ABCA12: variants seen among roughly 807,000 people sequenced by gnomAD.
ABCA12 encodes ATP binding cassette subfamily A member 12.
A neutral mutation model predicts 293.5 loss-of-function variants in ABCA12; 156 were observed. The ratio of observed to expected loss-of-function variants is 0.53; its 90% CI spans 0.47 to 0.61. The LOEUF is 0.61. Among genes scored for constraint, ABCA12 ranks in the 20% least tolerant of loss-of-function variants. The probability of loss-of-function intolerance (pLI) is 0.00; values close to 1 mark genes in which losing one functional copy is unlikely to be tolerated. For missense variants in ABCA12, 2,797 were observed against 3,090.2 expected (o/e 0.91, Z 2.25); for synonymous variants, 1,063 against 1,108.0 (o/e 0.96, Z 0.81).
At chr2:214,935,103 C>T (rs1698177691) in intron 51 of ABCA12, among the ~76,000 whole-genome samples, 3 of 152,194 alleles carry the variant, frequency 2.0e-5, no homozygotes, top group Admixed American at 1.3e-4. Context: ...AGACCCTTCT[C>T]CTCCCGCTTT....
chr2:215,002,624 C>A (rs1244163569), intron 20 of ABCA12, among the ~76,000 whole-genome samples: 3 of 152,134 alleles, frequency 2.0e-5, no homozygotes, highest in South Asian at 2.1e-4. Flanking sequence ...AAATGCATTT[C>A]TCATTAGAAT....
intron 13 of ABCA12, 72 bp from the exon 14 acceptor site, chr2:215,018,204 T>C: frequency 1.9e-6 from 3 of 1,558,290 alleles, no homozygotes; most frequent in Non-Finnish European, 2.6e-6. Flanking sequence ...ATGACTAACA[T>C]AGAGAAACCT....
chr2:215,119,752 A>AAAAAAAAAAC (rs1203424589), intron 1 of ABCA12, among the ~76,000 whole-genome samples: 3,752 of 142,328 alleles, frequency 0.026, 198 homozygotes, highest in African/African-American at 0.11. Flanking sequence ...AAAAAAAAAA[A>AAAAAAAAAAC]TGAAAACAAA....
intron 2 of ABCA12, among the ~76,000 whole-genome samples, chr2:215,089,319 A>C (rs1049705747): frequency 3.3e-5 from 5 of 152,140 alleles, no homozygotes; most frequent in African/African-American, 1.2e-4. Flanking sequence ...ACCACGTCAA[A>C]AGGAAAAGCA....
chr2:215,060,822 C>T (rs921453826), intron 3 of ABCA12, among the ~76,000 whole-genome samples: 5 of 151,924 alleles, frequency 3.3e-5, no homozygotes, highest in South Asian at 2.1e-4. Context: ...AAATTTGACC[C>T]GACTAAACTC....
At chr2:215,100,452 A>C (rs2106116359) in intron 2 of ABCA12, among the ~76,000 whole-genome samples, 1 of 152,250 alleles carries the variant, frequency 6.6e-6, no homozygotes, top group Admixed American at 6.5e-5. Context: ...TCCTTTTTAA[A>C]CATCCAGTAG....
At position 214,991,084 on chromosome 2, in the gene ABCA12, A is replaced by C. The variant is rs1699903029; in HGVS notation, c.3295-53T>G. 6 of 1,505,680 alleles carry C rather than the reference A, an allele frequency of 4.0e-6. 1 individual carries two copies. In the Middle Eastern group the frequency reaches 6.8e-4, roughly 171 times the overall value. The allele number at this position is 1,505,680 out of a possible 1,614,324, so 93.3% of individuals were successfully genotyped here. On this transcript the variant is annotated intron_variant, in intron 23 of 52. Coordinates refer to ENST00000272895, the MANE Select transcript of ABCA12 (RefSeq NM_173076.3). Reference sequence around the variant, plus strand: ...TGTTATGCTGATATTCTTCCAAATAAAAATTATTCCCTGTATTATGTCAAA... The same window carrying C: ...TGTTATGCTGATATTCTTCCAAATACAAATTATTCCCTGTATTATGTCAAA...
chr2:215,052,883 T>C (rs1701348758), intron 4 of ABCA12, among the ~76,000 whole-genome samples: 1 of 152,102 alleles, frequency 6.6e-6, no homozygotes, highest in Admixed American at 6.6e-5. Context: ...TATTGCCCAA[T>C]AAACCGAATC....
In ABCA12 at chr2:215,019,615, T is replaced by G. The variant is rs752527477; in HGVS notation, c.1469A>C (p.His490Pro). 6.2e-7 allele frequency: 1 copy of G among 1,614,220 alleles called. No homozygotes were observed. Among genetic ancestry groups the G allele is most frequent in the South Asian group, 1.1e-5 (1 of 91,080 alleles). Residue 490 changes from histidine to proline, a missense_variant, in exon 12 of 53, where the codon CAT (histidine) becomes CCT (proline). By Grantham distance (77) the His-to-Pro change is moderately conservative. This residue lies in a region of ABCA12 where 656 missense variants were observed against 638.2 expected (regional missense o/e 1.03). Coordinates refer to ENST00000272895, the MANE Select transcript of ABCA12 (RefSeq NM_173076.3). ...GTEIAASLLYHDNVISKKVRD... is the reference protein window; with the variant it reads ...GTEIAASLLYPDNVISKKVRD... Reference sequence around the variant, plus strand: ...CACTTTTTTAGATATGACATTGTCATGGTACAGTAAGCTGGCTGCTATTTC... The same window carrying G: ...CACTTTTTTAGATATGACATTGTCAGGGTACAGTAAGCTGGCTGCTATTTC...
Position 214,992,483 on chromosome 2 carries a change from C to T in ABCA12, c.3295-1452G>A, listed in dbSNP as rs1467843510. On this transcript the variant is annotated intron_variant, in intron 23 of 52. Transcript: ENST00000272895. ...AAATGAAAAAAAAAAAAAAACAATT[C>T]ATGATTAATGTTAAGCCTATCAACC... Among the ~76,000 whole-genome samples, 3 of 109,388 alleles carry T rather than the reference C, an allele frequency of 2.7e-5. No individual in the cohort carries two copies. The East Asian group carries it at 8.8e-4, about 32-fold the overall frequency. 71.8% of individuals were successfully genotyped at this position (109,388 alleles called of 152,430 possible). A position where few individuals can be genotyped will look rare whatever the true frequency, so the allele number is the denominator to read the frequency against.
intron 1 of ABCA12, among the ~76,000 whole-genome samples, chr2:215,135,200 C>A (rs1703198341): frequency 6.6e-6 from 1 of 152,150 alleles, no homozygotes; most frequent in Admixed American, 6.5e-5. Context: ...CTTAAGTGAT[C>A]CACCTGATTC....
Position 215,095,919 on chromosome 2 carries a change from C to G in ABCA12, c.163+15678G>C, listed in dbSNP as rs183692126. On this transcript the variant is annotated intron_variant, in intron 2 of 52. Transcript: ENST00000272895. ...TCCTATAAAACTGCCCCACCCCTAT[C>G]TTCCTTTGCTGACTCCTTTTTCAGA... 8.4e-3 allele frequency among the ~76,000 whole-genome samples: 1,259 copies of G among 150,360 alleles called. 24 individuals are homozygous for G. Among genetic ancestry groups the G allele is most frequent in the African/African-American group, 0.031 (1,214 of 39,690 alleles).
intron 1 of ABCA12, among the ~76,000 whole-genome samples, chr2:215,129,986 C>T (rs547693641): frequency 6.6e-6 from 1 of 152,192 alleles, no homozygotes; most frequent in East Asian, 1.9e-4. Flanking sequence ...AATAGGATGT[C>T]CTTTCTGCAT....
chr2:214,948,534 G>C lies in ABCA12; in HGVS notation c.7104+62C>G, dbSNP rs377759629. 27 of 1,563,376 alleles carry C rather than the reference G, an allele frequency of 1.7e-5. No individual in the cohort carries two copies. In the East Asian group the frequency reaches 3.2e-4, roughly 18 times the overall value. On this transcript the variant is annotated intron_variant, in intron 47 of 52. Coordinates refer to ENST00000272895, the MANE Select transcript of ABCA12 (RefSeq NM_173076.3). ...GGGGGGACAGTGGGTGTGGTGGGGT[G>C]GGGGATGGAAGTAGAAACAATAATG... is the stretch of plus-strand genomic sequence containing the variant.
intron 39 of ABCA12, among the ~76,000 whole-genome samples, chr2:214,965,498 A>G (rs901177942): frequency 2.0e-5 from 3 of 152,224 alleles, no homozygotes; most frequent in Non-Finnish European, 4.4e-5. Context: ...ACAAAGGTCT[A>G]ATATCCAGAG....
intron 2 of ABCA12, among the ~76,000 whole-genome samples, chr2:215,079,632 T>A (rs1313963536): frequency 6.6e-6 from 1 of 152,222 alleles, no homozygotes; most frequent in Non-Finnish European, 1.5e-5. Context: ...CCCTCTTGTT[T>A]TGTTTCACTC....
chr2:215,072,748 G>A (rs1456137387), intron 2 of ABCA12, among the ~76,000 whole-genome samples: 1 of 152,194 alleles, frequency 6.6e-6, no homozygotes, highest in Admixed American at 6.5e-5. Flanking sequence ...TCTGGGGGAA[G>A]TTTAAAAATA....
At chr2:214,945,271 C>G (rs1349382187) in intron 48 of ABCA12, among the ~76,000 whole-genome samples, 167 bp from the exon 49 acceptor site, 1 of 152,120 alleles carries the variant, frequency 6.6e-6, no homozygotes, top group East Asian at 1.9e-4. Flanking sequence ...TCAAAAAGTT[C>G]AAAATTAATC....
At chr2:215,019,235 G>T in intron 13 of ABCA12, 101 bp downstream of exon 13, 1 of 1,038,974 alleles carries the variant, frequency 9.6e-7, no homozygotes, top group Non-Finnish European at 1.5e-6. Context: ...AGATAGCAAA[G>T]CGAGTTTGGT....
Sources: gnomAD v4.1 joint callset for allele counts (sites outside exome capture counted in the v4.1 genomes callset) on GRCh38, gnomAD v4.1.1 for gene constraint, gnomAD v4.1.1 regional missense constraint, MANE v1.5 for transcripts, NCBI Gene and HGNC (gene_info 2026-07-23, HGNC 2026-07-21) for gene names.